The following PVT1 variants were observed in gnomAD, a reference collection of about 807,000 sequenced individuals.
PVT1 encodes the protein CXCR4/PVT1 fusion.
intron 3 of PVT1, among the ~76,000 whole-genome samples, chr8:127,986,615 A>G (rs982566469): frequency 6.6e-6 from 1 of 152,222 alleles, no homozygotes. Context: ...TGGCATTGGC[A>G]TATTTCTGAG....
At chr8:128,049,065 C>T in intron 4 of PVT1, 1 of 479,094 alleles carries the variant, frequency 2.1e-6, no homozygotes, top group Admixed American at 2.6e-5. Context: ...GTAATATTAC[C>T]CAGCAAGGGA....
chr8:128,030,571 G>C (rs1212261306), intron 4 of PVT1, among the ~76,000 whole-genome samples: 2 of 152,224 alleles, frequency 1.3e-5, no homozygotes, highest in African/African-American at 4.8e-5. Context: ...TTGAGGCACA[G>C]CTGACATCCA....
intron 4 of PVT1, among the ~76,000 whole-genome samples, chr8:128,049,517 T>G (rs1586497859): frequency 6.6e-6 from 1 of 152,030 alleles, no homozygotes; most frequent in Non-Finnish European, 1.5e-5. Flanking sequence ...GAGTGGTGGG[T>G]GCTGGGGAGC....
intron 2 of PVT1, among the ~76,000 whole-genome samples, chr8:127,878,469 G>A (rs1815429896): frequency 6.6e-6 from 1 of 152,192 alleles, no homozygotes; most frequent in African/African-American, 2.4e-5. Flanking sequence ...AAGCCTCAGA[G>A]CTAGAATTCT....
intron 5 of PVT1, among the ~76,000 whole-genome samples, chr8:128,070,532 T>C (rs1813972593): frequency 2.0e-5 from 3 of 152,190 alleles, no homozygotes; most frequent in Admixed American, 2.0e-4. Flanking sequence ...ATTTGACAGC[T>C]CAACCACCTC....
chr8:128,006,533 C>CT (rs1323890753), intron 4 of PVT1, among the ~76,000 whole-genome samples: 4 of 152,042 alleles, frequency 2.6e-5, no homozygotes, highest in African/African-American at 9.7e-5. Context: ...TCAGGAGATG[C>CT]TTTGGACCTA....
At chr8:127,977,207 C>CT (rs769282076) in intron 3 of PVT1, among the ~76,000 whole-genome samples, 57 of 152,188 alleles carry the variant, frequency 3.7e-4, no homozygotes, top group Non-Finnish European at 5.6e-4. Flanking sequence ...CTCCAGGTAT[C>CT]ACCCTCAGAA....
rs1240054260 is a variant in PVT1, at chr8:127,984,913, CTTTCTTTCTCTTTCTCTT to C, written n.783-4247_783-4230del. Among the ~76,000 whole-genome samples the C allele has an allele frequency of 6.9e-4, 43 of 61,892 alleles. 1 individual carries two copies. The highest frequency in any genetic ancestry group is 1.6e-3 in the Admixed American group (7 of 4,272). The allele number at this position is 61,892 out of a possible 152,430, so 40.6% of individuals were successfully genotyped here. On this transcript the variant is annotated intron_variant and non_coding_transcript_variant, in intron 3 of 10. Transcript: ENST00000651587. ...TCTTTCTTTCTTTCTTTCTTTCTTT[CTTTCTTTCTCTTTCTCTT>C]TCTTTCTTTCTTTCCCCTTCCTTCC...
intron 5 of PVT1, among the ~76,000 whole-genome samples, chr8:128,075,963 C>T (rs993155198): frequency 6.6e-6 from 1 of 152,202 alleles, no homozygotes; most frequent in Non-Finnish European, 1.5e-5. Flanking sequence ...AGCCACTTGC[C>T]TTAGAAATTA....
chr8:127,825,754 C>A (rs767203140), intron 2 of PVT1, among the ~76,000 whole-genome samples: 1 of 152,172 alleles, frequency 6.6e-6, no homozygotes, highest in African/African-American at 2.4e-5. Flanking sequence ...TCAGTACATA[C>A]CTTCTTCATA....
At chr8:127,821,714 A>G (rs888998014) in intron 2 of PVT1, among the ~76,000 whole-genome samples, 8 of 152,076 alleles carry the variant, frequency 5.3e-5, no homozygotes, top group African/African-American at 1.9e-4. Context: ...GGGGAGGCTG[A>G]GGCAGGAGAA....
intron 2 of PVT1, among the ~76,000 whole-genome samples, chr8:127,797,311 T>A (rs6470578): frequency 0.73 from 110,925 of 152,104 alleles, 40,831 homozygotes; most frequent in African/African-American, 0.81. Context: ...GGATTACAGG[T>A]GCCACAGTAC....
At chr8:127,969,103 A>C (rs963447722) in intron 3 of PVT1, among the ~76,000 whole-genome samples, 24 of 152,190 alleles carry the variant, frequency 1.6e-4, no homozygotes, top group Non-Finnish European at 7.4e-5. Flanking sequence ...TCTTGAGGTG[A>C]TGGCTTTCCT....
intron 4 of PVT1, among the ~76,000 whole-genome samples, chr8:128,053,441 T>A (rs972401374): frequency 4.0e-5 from 6 of 149,396 alleles, no homozygotes; most frequent in Admixed American, 2.7e-4. Flanking sequence ...TATGTGTATT[T>A]TATATATATG....
chr8:127,877,083 T>C (rs73357013), intron 2 of PVT1, among the ~76,000 whole-genome samples: 1,736 of 152,306 alleles, frequency 0.011, 38 homozygotes, highest in African/African-American at 0.039. Flanking sequence ...AGGACAGGTT[T>C]AGCAGAGTGG....
chr8:127,856,744 C>T (rs1815165470), intron 2 of PVT1, among the ~76,000 whole-genome samples: 1 of 152,204 alleles, frequency 6.6e-6, no homozygotes, highest in African/African-American at 2.4e-5. Context: ...TCATTATCCC[C>T]ATTCAATAGA....
At chr8:128,031,467 C>T (rs771021702) in intron 4 of PVT1, among the ~76,000 whole-genome samples, 2 of 152,178 alleles carry the variant, frequency 1.3e-5, no homozygotes, top group Middle Eastern at 6.8e-3. Context: ...ATTGCCTGCA[C>T]GTTGCCAGGG....
At chr8:127,841,087 C>T (rs146395117) in intron 2 of PVT1, among the ~76,000 whole-genome samples, 116 of 152,278 alleles carry the variant, frequency 7.6e-4, no homozygotes, top group African/African-American at 2.7e-3. Context: ...TTTGAGTCCT[C>T]AGTCCTGTAA....
chr8:127,847,798 C>CT (rs1450469614), intron 2 of PVT1, among the ~76,000 whole-genome samples: 1 of 152,036 alleles, frequency 6.6e-6, no homozygotes, highest in African/African-American at 2.4e-5. Flanking sequence ...TGCACAAACT[C>CT]TGTTAGGATG....
Sources: gnomAD v4.1 joint callset for allele counts (sites outside exome capture counted in the v4.1 genomes callset) on GRCh38, gnomAD v4.1.1 for gene constraint, MANE v1.5 for transcripts, NCBI Gene and HGNC (gene_info 2026-07-23, HGNC 2026-07-21) for gene names.